ANO6: variants seen among roughly 807,000 people sequenced by gnomAD.
The protein encoded by ANO6 is anoctamin-6.
In ANO6, 106 loss-of-function variants were observed where a neutral mutation model predicts 117.5. That is an observed-to-expected ratio of 0.90 (90% CI 0.77 to 1.06). ANO6 has a LOEUF of 1.06. Among genes scored for constraint, ANO6 ranks in the 50% least tolerant of loss-of-function variants. ANO6 has a pLI of 0.00. For synonymous variants in ANO6, 367 were observed against 385.1 expected (o/e 0.95, Z 0.55); for missense variants, 955 against 1,121.1 (o/e 0.85, Z 2.12).
intron 16 of ANO6, among the ~76,000 whole-genome samples, chr12:45,410,445 T>C (rs560582301): frequency 4.1e-4 from 63 of 152,368 alleles, no homozygotes; most frequent in Non-Finnish European, 6.9e-4. Context: ...GCTTGGACTC[T>C]TAATTCTTTT....
chr12:45,244,189 T>C (rs1947787477), intron 1 of ANO6, among the ~76,000 whole-genome samples: 1 of 152,216 alleles, frequency 6.6e-6, no homozygotes, highest in Non-Finnish European at 1.5e-5. Flanking sequence ...TTATTTTTGT[T>C]GTAACCAAAA....
intron 13 of ANO6, among the ~76,000 whole-genome samples, chr12:45,402,406 G>A (rs1016162419): frequency 9.2e-5 from 14 of 151,456 alleles, no homozygotes; most frequent in Admixed American, 1.3e-4. Context: ...ACACTGCTAC[G>A]TGTCTTCCCT....
intron 3 of ANO6, among the ~76,000 whole-genome samples, chr12:45,336,504 T>G (rs1329102838): frequency 6.6e-6 from 1 of 152,042 alleles, no homozygotes; most frequent in African/African-American, 2.4e-5. Flanking sequence ...CTCTTAAGAT[T>G]GTAACACAGC....
Position 45,429,459 on chromosome 12 carries a change from G to A in ANO6, c.*148G>A. 2.0e-6 allele frequency: 3 copies of A among 1,473,704 alleles called. No homozygotes were observed. Among genetic ancestry groups the A allele is most frequent in the Non-Finnish European group, 2.7e-6 (3 of 1,118,996 alleles). The allele number at this position is 1,473,704 out of a possible 1,614,324, so 91.3% of individuals were successfully genotyped here. A position where few individuals can be genotyped will look rare whatever the true frequency, so the allele number is the denominator to read the frequency against. On this transcript the variant is annotated 3_prime_UTR_variant, in exon 20 of 20. Transcript: ENST00000320560. ...CCTCATGTATTATTTTTCAGTTTCA[G>A]CTAGCGATGCAGAAACTGGAAAATG... is the stretch of plus-strand genomic sequence containing the variant.
intron 1 of ANO6, among the ~76,000 whole-genome samples, chr12:45,234,659 T>C (rs1947620586): frequency 6.6e-6 from 1 of 152,236 alleles, no homozygotes; most frequent in African/African-American, 2.4e-5. Context: ...CTCTTAGTCA[T>C]CTTCCCTGCC....
chr12:45,323,553 A>G (rs763847547), intron 2 of ANO6, among the ~76,000 whole-genome samples: 5 of 152,216 alleles, frequency 3.3e-5, no homozygotes, highest in Non-Finnish European at 5.9e-5. Flanking sequence ...ACATTTATTG[A>G]GCTTTTACTA....
chr12:45,435,043 C>T (rs1402974439), downstream of ANO6, among the ~76,000 whole-genome samples: 1 of 152,220 alleles, frequency 6.6e-6, no homozygotes, highest in Non-Finnish European at 1.5e-5. Context: ...TATTCTTCCA[C>T]ATCATCTCTT....
At chr12:45,374,926 A>G (rs918927998) in intron 9 of ANO6, among the ~76,000 whole-genome samples, 1 of 152,026 alleles carries the variant, frequency 6.6e-6, no homozygotes, top group East Asian at 1.9e-4. Context: ...CCCTGTTTGC[A>G]GACGACATGA....
intron 3 of ANO6, among the ~76,000 whole-genome samples, chr12:45,340,100 A>C (rs1940938685): frequency 6.6e-6 from 1 of 152,148 alleles, no homozygotes; most frequent in African/African-American, 2.4e-5. Context: ...CAATGACTTT[A>C]CTAAGCCAAA....
chr12:45,304,584 T>C (rs1191999715), intron 2 of ANO6, among the ~76,000 whole-genome samples: 1 of 152,246 alleles, frequency 6.6e-6, no homozygotes, highest in Non-Finnish European at 1.5e-5. Context: ...TCATGTTTAC[T>C]CGGGCCTTAT....
At chr12:45,292,710 G>A in intron 1 of ANO6, 1 of 1,347,472 alleles carries the variant, frequency 7.4e-7, no homozygotes. Flanking sequence ...TGTAGGAATA[G>A]GGGAAGAGTT....
intron 16 of ANO6, among the ~76,000 whole-genome samples, chr12:45,412,021 A>T (rs141020112): frequency 6.6e-6 from 1 of 152,044 alleles, no homozygotes; most frequent in East Asian, 1.9e-4. Flanking sequence ...TCCTTCACCC[A>T]CTTCTCACCA....
chr12:45,226,938 C>G (rs920085437), intron 1 of ANO6, among the ~76,000 whole-genome samples: 1 of 148,340 alleles, frequency 6.7e-6, no homozygotes, highest in Non-Finnish European at 1.5e-5. Context: ...TTGCATAAAA[C>G]ATAAGATATT....
exon 20 of ANO6, chr12:45,440,050 G>T (rs1356605799): frequency 8.2e-6 from 9 of 1,099,660 alleles, no homozygotes; most frequent in Non-Finnish European, 8.3e-6. Context: ...TTCCAATACT[G>T]GCATTTAAGA....
At chr12:45,302,152 A>G in intron 2 of ANO6, 59 bp downstream of exon 2, 2 of 1,511,682 alleles carry the variant, frequency 1.3e-6, no homozygotes, top group East Asian at 2.3e-5. Flanking sequence ...TTTTCACAAA[A>G]TGAGAAAAAA....
In ANO6 at chr12:45,432,063, A is replaced by G. The variant is rs1279131912; in HGVS notation, c.*2752A>G. ...ATTGCATGTGTGCCTTGAATTTCAT[A>G]AAACATTAATTCACAATGGGGGTCA... is the stretch of plus-strand genomic sequence containing the variant. On this transcript the variant is annotated 3_prime_UTR_variant, in exon 20 of 20. Coordinates refer to ENST00000320560, the MANE Select transcript of ANO6 (RefSeq NM_001025356.3). 1.0e-6 allele frequency: 1 copy of G among 985,294 alleles called. No homozygotes were observed. The highest frequency in any genetic ancestry group is 1.7e-5 in the African/African-American group (1 of 57,248). The allele number at this position is 985,294 out of a possible 1,614,324, so 61.0% of individuals were successfully genotyped here.
chr12:45,384,842 TG>T (rs1283626132), intron 10 of ANO6, among the ~76,000 whole-genome samples: 1 of 152,178 alleles, frequency 6.6e-6, no homozygotes, highest in Non-Finnish European at 1.5e-5. Context: ...AGGCTCAACG[TG>T]GGGTTGCCAC....
At chr12:45,436,101 A>G (rs1200122349), downstream of ANO6, among the ~76,000 whole-genome samples, 1 of 152,192 alleles carries the variant, frequency 6.6e-6, no homozygotes, top group African/African-American at 2.4e-5. Context: ...TTGGCCCAGT[A>G]TGACCAGGAC....
chr12:45,306,132 A>G (rs573562198), intron 2 of ANO6, among the ~76,000 whole-genome samples: 2 of 152,300 alleles, frequency 1.3e-5, no homozygotes, highest in African/African-American at 4.8e-5. Context: ...TGTGGTCAAC[A>G]TGAAAACACA....
Sources: gnomAD v4.1 joint callset for allele counts (sites outside exome capture counted in the v4.1 genomes callset) on GRCh38, gnomAD v4.1.1 for gene constraint, MANE v1.5 for transcripts, NCBI Gene and HGNC (gene_info 2026-07-23, HGNC 2026-07-21) for gene names.